Variants in SH3RF3 observed in about 807,000 individuals in gnomAD.
SH3RF3 encodes E3 ubiquitin-protein ligase SH3RF3.
Under a neutral mutation model 66.3 loss-of-function variants are expected in SH3RF3, and 29 were observed. The observed-to-expected ratio is 0.44, with a 90% CI of 0.33 to 0.60. SH3RF3 has a LOEUF of 0.60. Ranked by LOEUF, SH3RF3 falls within the 20% of genes least tolerant of loss-of-function variation. SH3RF3 has a pLI of 0.04. For synonymous variants in SH3RF3, 583 were observed against 532.0 expected, an observed-to-expected ratio of 1.10 and a Z score of -1.32; for missense variants, 1,194 against 1,190.9, an observed-to-expected ratio of 1.00 and a Z score of -0.04.
At chr2:109,371,920 C>A (rs1260767297) in intron 3 of SH3RF3, among the ~76,000 whole-genome samples, 2 of 152,202 alleles carry the variant, frequency 1.3e-5, no homozygotes, top group African/African-American at 4.8e-5. Context: ...GTCATCTCAC[C>A]ACGTGGGCAG....
chr2:109,155,049 GC>G (rs1558929898), intron 1 of SH3RF3, among the ~76,000 whole-genome samples: 1 of 152,148 alleles, frequency 6.6e-6, no homozygotes, highest in African/African-American at 2.4e-5. Context: ...GTTCTGGTGT[GC>G]TCATGGAAGC....
At chr2:109,193,339 T>G (rs1344910446) in intron 1 of SH3RF3, among the ~76,000 whole-genome samples, 1 of 152,192 alleles carries the variant, frequency 6.6e-6, no homozygotes, top group Non-Finnish European at 1.5e-5. Context: ...AAGTGTACAA[T>G]TCAGTGGTTT....
rs574172414 is a variant in SH3RF3 at position 109,378,384 on chromosome 2, C to A, written c.945+6703C>A. 7.9e-5 allele frequency among the ~76,000 whole-genome samples: 12 copies of A among 152,326 alleles called. No homozygotes were observed. In the South Asian group the frequency reaches 2.5e-3, roughly 32 times the overall value. On this transcript the variant is annotated intron_variant, in intron 3 of 9. Coordinates refer to ENST00000309415, the MANE Select transcript of SH3RF3 (RefSeq NM_001099289.3). Reference sequence around the variant, plus strand: ...AGGATGGGGGCTCTAGTTCTCAACTCCCAGTTGACTTTATGCACCCCCACC... The same window carrying A: ...AGGATGGGGGCTCTAGTTCTCAACTACCAGTTGACTTTATGCACCCCCACC...
intron 8 of SH3RF3, among the ~76,000 whole-genome samples, chr2:109,460,407 T>A (rs1324694010): frequency 2.0e-5 from 3 of 152,208 alleles, no homozygotes; most frequent in Admixed American, 1.3e-4. Flanking sequence ...TCTCTGCTGC[T>A]GGTGGATTGG....
At chr2:109,189,367 C>CTTTTTTTTTTT (rs5833320) in intron 1 of SH3RF3, among the ~76,000 whole-genome samples, 1 of 147,972 alleles carries the variant, frequency 6.8e-6, no homozygotes. Flanking sequence ...AGTCGTTTGA[C>CTTTTTTTTTTT]TTTTTTTTTT....
chr2:109,150,796 A>G (rs779261708), intron 1 of SH3RF3, among the ~76,000 whole-genome samples: 6 of 152,190 alleles, frequency 3.9e-5, no homozygotes, highest in Admixed American at 2.0e-4. Context: ...TTACCTCCTT[A>G]TCAGGCTGTT....
intron 2 of SH3RF3, among the ~76,000 whole-genome samples, chr2:109,366,993 G>A (rs1683162471): frequency 6.6e-6 from 1 of 152,100 alleles, no homozygotes; most frequent in Non-Finnish European, 1.5e-5. Flanking sequence ...TCTCATTCTC[G>A]CCCAGGCTGG....
chr2:109,442,304 C>G (rs1677590575), intron 7 of SH3RF3, among the ~76,000 whole-genome samples: 1 of 144,170 alleles, frequency 6.9e-6, no homozygotes. Context: ...GAGTGAGACT[C>G]CACCTCAAAA....
chr2:109,422,636 T>C (rs1210506414), intron 5 of SH3RF3, among the ~76,000 whole-genome samples: 2 of 152,248 alleles, frequency 1.3e-5, no homozygotes, highest in Admixed American at 6.5e-5. Context: ...CCGCCATTCC[T>C]CTGGCAGACC....
intron 1 of SH3RF3, among the ~76,000 whole-genome samples, chr2:109,143,947 A>T (rs1558923794): frequency 6.6e-6 from 1 of 152,232 alleles, no homozygotes; most frequent in African/African-American, 2.4e-5. Context: ...CAAGCCACAG[A>T]CACAGAAAGG....
chr2:109,152,511 C>T (rs902904998), intron 1 of SH3RF3, among the ~76,000 whole-genome samples: 4 of 152,366 alleles, frequency 2.6e-5, no homozygotes, highest in African/African-American at 4.8e-5. Context: ...AGCGAAAGCT[C>T]ATTTACTGGA....
chr2:109,281,135 A>G (rs891505808), intron 1 of SH3RF3, among the ~76,000 whole-genome samples: 14 of 152,182 alleles, frequency 9.2e-5, no homozygotes, highest in African/African-American at 3.1e-4. Context: ...GTTGTCACCT[A>G]TGCCATAGGA....
intron 7 of SH3RF3, among the ~76,000 whole-genome samples, chr2:109,441,799 G>C (rs1207755234): frequency 6.6e-6 from 1 of 152,082 alleles, no homozygotes; most frequent in Non-Finnish European, 1.5e-5. Context: ...AAAACAGCCA[G>C]AGGACAAAAA....
At chr2:109,242,067 G>A (rs1679797810) in intron 1 of SH3RF3, among the ~76,000 whole-genome samples, 1 of 151,334 alleles carries the variant, frequency 6.6e-6, no homozygotes, top group Non-Finnish European at 1.5e-5. Flanking sequence ...GGTGTAGACG[G>A]GGGTGTCATA....
intron 2 of SH3RF3, among the ~76,000 whole-genome samples, chr2:109,367,228 A>G (rs146374801): frequency 0.02 from 2,979 of 151,316 alleles, 35 homozygotes; most frequent in South Asian, 0.028. Context: ...CCTACCAAAG[A>G]ACTGGGATTA....
chr2:109,419,685 C>T (rs779595136), intron 5 of SH3RF3, 43 bp downstream of exon 5: 55 of 1,531,446 alleles, frequency 3.6e-5, no homozygotes, highest in Non-Finnish European at 4.6e-5. Context: ...TGCCTGCAGC[C>T]CTCCCTCCTG....
chr2:109,179,513 A>G (rs2104978021), intron 1 of SH3RF3, among the ~76,000 whole-genome samples: 1 of 152,318 alleles, frequency 6.6e-6, no homozygotes, highest in African/African-American at 2.4e-5. Flanking sequence ...TGGGTAACTT[A>G]TAAAGAAAAC....
chr2:109,164,095 G>A (rs927191089), intron 1 of SH3RF3, among the ~76,000 whole-genome samples: 13 of 152,046 alleles, frequency 8.6e-5, no homozygotes, highest in African/African-American at 3.1e-4. Context: ...GGATGGAGGA[G>A]GCCTACTCTT....
intron 1 of SH3RF3, among the ~76,000 whole-genome samples, chr2:109,152,462 G>A (rs1195709086): frequency 3.3e-5 from 5 of 152,170 alleles, no homozygotes; most frequent in Admixed American, 3.3e-4. Flanking sequence ...GCCTTGTTCC[G>A]GGTGCCTGAT....
Sources: gnomAD v4.1 joint callset for allele counts (sites outside exome capture counted in the v4.1 genomes callset) on GRCh38, gnomAD v4.1.1 for gene constraint, MANE v1.5 for transcripts, NCBI Gene and HGNC (gene_info 2026-07-23, HGNC 2026-07-21) for gene names.